Variants in DPY19L3 observed in about 807,000 individuals in gnomAD.
DPY19L3 encodes the protein dpy-19 like C-mannosyltransferase 3.
Under a neutral mutation model 92.3 loss-of-function variants are expected in DPY19L3, and 51 were observed. That is an observed-to-expected ratio of 0.55 (90% CI 0.44 to 0.70). The LOEUF (loss-of-function observed/expected upper bound fraction) is 0.70. Ranked by LOEUF, DPY19L3 falls within the 30% of genes least tolerant of loss-of-function variation. The probability of loss-of-function intolerance (pLI) is 0.00; values close to 1 mark genes in which losing one functional copy is unlikely to be tolerated. For synonymous variants in DPY19L3, 309 were observed against 315.2 expected, an observed-to-expected ratio of 0.98 and a Z score of 0.21; for missense variants, 706 against 855.9, an observed-to-expected ratio of 0.82 and a Z score of 2.18.
At chr19:32,471,754 G>A (rs1162091965) in intron 16 of DPY19L3, among the ~76,000 whole-genome samples, 3 of 152,130 alleles carry the variant, frequency 2.0e-5, no homozygotes, top group Non-Finnish European at 4.4e-5. Context: ...GCCTCAGTGG[G>A]AGTTGGTTCT....
chr19:32,454,469 G>C (rs1599648326), intron 9 of DPY19L3, among the ~76,000 whole-genome samples: 1 of 152,174 alleles, frequency 6.6e-6, no homozygotes, highest in Admixed American at 6.5e-5. Context: ...AGCTACTCGG[G>C]AGGCTGAGGC....
At chr19:32,437,436 G>C (rs181658851) in intron 6 of DPY19L3, 97 bp downstream of exon 6, 850 of 1,415,318 alleles carry the variant, frequency 6.0e-4, no homozygotes, top group Non-Finnish European at 7.6e-4. Context: ...TGCCACATTT[G>C]TTTGGTTGGG....
At chr19:32,418,880 GTTGTA>G (rs1404548466) in intron 3 of DPY19L3, among the ~76,000 whole-genome samples, 1 of 152,068 alleles carries the variant, frequency 6.6e-6, no homozygotes, top group African/African-American at 2.4e-5. Flanking sequence ...TTAAATGTTT[GTTGTA>G]TTGTTTGTAT....
intron 12 of DPY19L3, among the ~76,000 whole-genome samples, chr19:32,461,989 G>C (rs1378990496): frequency 6.6e-6 from 1 of 151,994 alleles, no homozygotes; most frequent in Non-Finnish European, 1.5e-5. Context: ...AACCTCGGAT[G>C]GTTTCACACC....
intron 3 of DPY19L3, among the ~76,000 whole-genome samples, chr19:32,415,064 T>A (rs1430673834): frequency 6.6e-6 from 1 of 152,242 alleles, no homozygotes; most frequent in Non-Finnish European, 1.5e-5. Context: ...ATTAAGCACC[T>A]ACAGTATGCC....
At chr19:32,439,702 T>G (rs1969263132) in intron 7 of DPY19L3, 74 bp from the exon 8 acceptor site, 1 of 1,504,128 alleles carries the variant, frequency 6.6e-7, no homozygotes, top group Non-Finnish European at 9.0e-7. Context: ...TACTGGCTGC[T>G]CTTGAGAAAA....
At chr19:32,436,640 A>G (rs1206758041) in intron 5 of DPY19L3, 73 bp downstream of exon 5, 16 of 1,261,938 alleles carry the variant, frequency 1.3e-5, no homozygotes, top group Non-Finnish European at 1.7e-5. Flanking sequence ...GAAAGTTATC[A>G]CATCGTTCTT....
At chr19:32,409,140 C>T (rs1599578539) in intron 2 of DPY19L3, among the ~76,000 whole-genome samples, 2 of 152,154 alleles carry the variant, frequency 1.3e-5, no homozygotes, top group African/African-American at 4.8e-5. Context: ...GTGATTAACA[C>T]GTTTTGGATA....
At chr19:32,440,373 A>G (rs750887313) in intron 8 of DPY19L3, among the ~76,000 whole-genome samples, 6 of 152,226 alleles carry the variant, frequency 3.9e-5, no homozygotes, top group Non-Finnish European at 8.8e-5. Context: ...AGAAACCAGT[A>G]TCTGTCTCCT....
At chr19:32,480,259 G>A (rs1006587901) in intron 17 of DPY19L3, 140 bp from the exon 18 acceptor site, 10 of 882,176 alleles carry the variant, frequency 1.1e-5, no homozygotes, top group African/African-American at 1.0e-4. Context: ...GCAAATGAGC[G>A]AGTGCAGCGT....
rs1969172720 is a variant in DPY19L3 at position 32,437,269 on chromosome 19, A to T, written c.526A>T (p.Ile176Leu). The T allele has an allele frequency of 1.2e-6, 2 of 1,614,126 alleles. No homozygotes were observed. Among genetic ancestry groups the T allele is most frequent in the Non-Finnish European group, 1.7e-6 (2 of 1,180,006 alleles). ...GGCGATCTATGTCACAGCTCTCTAC[A>T]TAACCAGCTGGCTACTCAGTGGTAC... ...LQAIYVTALY[I>L]TSWLLSGTWL... The change falls in exon 6 of 19, where the codon ATA (isoleucine) becomes TTA (leucine). Residue 176 changes from isoleucine (I) to leucine (L), a missense_variant. By Grantham distance (5) the Ile-to-Leu change is conservative (BLOSUM62 2). Transcript: ENST00000392250.
intron 8 of DPY19L3, among the ~76,000 whole-genome samples, chr19:32,445,934 G>A (rs761149120): frequency 2.0e-5 from 3 of 152,102 alleles, no homozygotes; most frequent in African/African-American, 7.2e-5. Context: ...CCTAGGAGGC[G>A]GAGGTTGCAG....
At chr19:32,475,794 A>G (rs942427177) in intron 16 of DPY19L3, among the ~76,000 whole-genome samples, 5 of 152,202 alleles carry the variant, frequency 3.3e-5, no homozygotes, top group Non-Finnish European at 7.3e-5. Context: ...AATTGTTGAT[A>G]CGGGGAACAG....
At chr19:32,416,435 AT>A (rs1193844377) in intron 3 of DPY19L3, among the ~76,000 whole-genome samples, 2 of 152,132 alleles carry the variant, frequency 1.3e-5, no homozygotes, top group Non-Finnish European at 2.9e-5. Flanking sequence ...CTCTACAAAA[AT>A]GCCTTCGTTT....
At chr19:32,465,504 T>A (rs1016351512) in intron 15 of DPY19L3, among the ~76,000 whole-genome samples, 7 of 151,854 alleles carry the variant, frequency 4.6e-5, no homozygotes, top group Admixed American at 2.0e-4. Flanking sequence ...ATTAAGTTTA[T>A]ATTTTTTTTC....
At chr19:32,448,118 AAAAC>A (rs1201044789) in intron 8 of DPY19L3, among the ~76,000 whole-genome samples, 1 of 152,194 alleles carries the variant, frequency 6.6e-6, no homozygotes, top group African/African-American at 2.4e-5. Context: ...TAAAATGTGT[AAAAC>A]AAAGTTTTGA....
At chr19:32,433,104 G>A (rs1448538392) in intron 4 of DPY19L3, among the ~76,000 whole-genome samples, 1 of 152,148 alleles carries the variant, frequency 6.6e-6, no homozygotes, top group Non-Finnish European at 1.5e-5. Context: ...CTTTGCAGGT[G>A]AAAGGAGTAT....
intron 12 of DPY19L3, among the ~76,000 whole-genome samples, chr19:32,461,963 CT>C (rs1970053480): frequency 6.6e-6 from 1 of 152,176 alleles, no homozygotes; most frequent in Non-Finnish European, 1.5e-5. Flanking sequence ...TTTCAAGTCC[CT>C]CAGTGGATGC....
At chr19:32,468,890 GT>G in intron 16 of DPY19L3, 77 bp downstream of exon 16, 3 of 1,399,640 alleles carry the variant, frequency 2.1e-6, no homozygotes, top group South Asian at 1.5e-5. Flanking sequence ...CGTTTTGGGG[GT>G]TTTTTGTTTG....
Sources: allele counts gnomAD v4.1 joint callset (sites outside exome capture counted in the v4.1 genomes callset), GRCh38; gene constraint gnomAD v4.1.1; transcripts MANE v1.5; gene names NCBI Gene and HGNC (gene_info 2026-07-23, HGNC 2026-07-21).